Variants in GRIK2 observed in about 807,000 individuals in gnomAD.
GRIK2 encodes the protein glutamate receptor ionotropic, kainate 2.
Under a neutral mutation model 100.3 loss-of-function variants are expected in GRIK2, and 32 were observed. The observed-to-expected ratio is 0.32, with a 90% CI of 0.24 to 0.43. The LOEUF (loss-of-function observed/expected upper bound fraction) is 0.43. Ranked by LOEUF, GRIK2 falls within the 20% of genes least tolerant of loss-of-function variation. The probability of loss-of-function intolerance (pLI) is 1.00; values close to 1 mark genes in which losing one functional copy is unlikely to be tolerated. For synonymous variants in GRIK2, 417 were observed against 389.4 expected (o/e 1.07, Z -0.83); for missense variants, 843 against 1,114.9 (o/e 0.76, Z 3.47).
At chr6:101,935,309 TTTTA>T (rs1790546556) in intron 14 of GRIK2, among the ~76,000 whole-genome samples, 1 of 151,916 alleles carries the variant, frequency 6.6e-6, no homozygotes, top group Non-Finnish European at 1.5e-5. Context: ...CTCATGTCAT[TTTTA>T]TTTATTTTGA....
intron 2 of GRIK2, among the ~76,000 whole-genome samples, chr6:101,445,527 A>G (rs1235591871): frequency 1.3e-5 from 2 of 152,084 alleles, no homozygotes; most frequent in Non-Finnish European, 2.9e-5. Context: ...CTTGTACTCC[A>G]GGGACAGCCA....
At chr6:102,051,466 A>G (rs1441178352) in intron 15 of GRIK2, among the ~76,000 whole-genome samples, 1 of 152,176 alleles carries the variant, frequency 6.6e-6, no homozygotes, top group African/African-American at 2.4e-5. Flanking sequence ...GCGATATAGA[A>G]AGTACCAAAG....
At chr6:101,597,289 G>A (rs1778971090) in intron 2 of GRIK2, among the ~76,000 whole-genome samples, 1 of 151,630 alleles carries the variant, frequency 6.6e-6, no homozygotes, top group African/African-American at 2.4e-5. Flanking sequence ...TTACTACCTG[G>A]GTGACAGAAT....
At chr6:101,899,649 C>T (rs1787711629) in intron 12 of GRIK2, among the ~76,000 whole-genome samples, 1 of 151,990 alleles carries the variant, frequency 6.6e-6, no homozygotes, top group Admixed American at 6.6e-5. Context: ...TCTGACTACA[C>T]CTGAGATGAT....
At chr6:101,831,531 A>C (rs1782694528) in intron 10 of GRIK2, among the ~76,000 whole-genome samples, 1 of 152,192 alleles carries the variant, frequency 6.6e-6, no homozygotes, top group South Asian at 2.1e-4. Context: ...AATGACAAGA[A>C]GGTTCTTAGC....
intron 16 of GRIK2, among the ~76,000 whole-genome samples, chr6:102,060,438 T>C (rs560155627): frequency 1.3e-5 from 2 of 150,930 alleles, no homozygotes; most frequent in African/African-American, 4.8e-5. Flanking sequence ...AAAGGTCATT[T>C]ATAAGGAAAA....
At chr6:101,520,423 G>A (rs1439459128) in intron 2 of GRIK2, among the ~76,000 whole-genome samples, 3 of 150,900 alleles carry the variant, frequency 2.0e-5, no homozygotes, top group Non-Finnish European at 4.4e-5. Context: ...GAAATAATAT[G>A]TAATATATAA....
intron 2 of GRIK2, among the ~76,000 whole-genome samples, chr6:101,539,993 T>C: frequency 6.6e-6 from 1 of 151,908 alleles, no homozygotes; most frequent in Non-Finnish European, 1.5e-5. Flanking sequence ...CCATTGATAT[T>C]TGGCCTTTGA....
intron 7 of GRIK2, among the ~76,000 whole-genome samples, chr6:101,710,080 T>A (rs1322769168): frequency 6.6e-6 from 1 of 151,920 alleles, no homozygotes; most frequent in Non-Finnish European, 1.5e-5. Flanking sequence ...TCAATGCCAC[T>A]GTTAGAGATA....
At chr6:101,757,176 T>A (rs1396932041) in intron 7 of GRIK2, among the ~76,000 whole-genome samples, 1 of 152,122 alleles carries the variant, frequency 6.6e-6, no homozygotes, top group East Asian at 1.9e-4. Flanking sequence ...TTTGAACTGG[T>A]GAATATTAGA....
In GRIK2 at chr6:101,686,284, A is replaced by G; in HGVS notation, c.882A>G (p.Glu294=). The G allele has an allele frequency of 6.2e-7, 1 of 1,613,280 alleles. No individual in the cohort carries two copies. Among genetic ancestry groups the G allele is most frequent in the South Asian group, 1.1e-5 (1 of 91,066 alleles). Residue 294 remains glutamate, a synonymous_variant, in exon 7 of 17, where the codon GAA becomes GAG. Transcript: ENST00000369134. ...TENTQVSSII[E]KWSMERLQAP... Reference sequence around the variant, plus strand: ...ATACCCAAGTCTCCTCCATCATTGAAAAGTGGTCGATGGAACGATTGCAGG... The same window carrying G: ...ATACCCAAGTCTCCTCCATCATTGAGAAGTGGTCGATGGAACGATTGCAGG...
At chr6:101,581,191 CACAT>C (rs1057032907) in intron 2 of GRIK2, among the ~76,000 whole-genome samples, 3 of 150,538 alleles carry the variant, frequency 2.0e-5, no homozygotes, top group Non-Finnish European at 2.9e-5. Context: ...TACACACACA[CACAT>C]ATATATACGC....
chr6:101,964,126 TATATA>T (rs542547438), intron 14 of GRIK2, among the ~76,000 whole-genome samples: 2 of 148,952 alleles, frequency 1.3e-5, no homozygotes, highest in Admixed American at 6.7e-5. Flanking sequence ...TAAATGTAGA[TATATA>T]ATATATACAT....
intron 11 of GRIK2, among the ~76,000 whole-genome samples, chr6:101,864,957 AC>A (rs1341890602): frequency 1.3e-5 from 2 of 152,246 alleles, no homozygotes; most frequent in African/African-American, 2.4e-5. Context: ...AAACATCTTT[AC>A]AACTTCTTTG....
chr6:101,449,801 A>AT (rs1315867863), intron 2 of GRIK2, among the ~76,000 whole-genome samples: 2 of 151,718 alleles, frequency 1.3e-5, no homozygotes, highest in Non-Finnish European at 3.0e-5. Flanking sequence ...CTTTCCAGAT[A>AT]TTTCAGATGC....
chr6:101,775,068 C>G (rs983697181), intron 7 of GRIK2, among the ~76,000 whole-genome samples: 1 of 151,926 alleles, frequency 6.6e-6, no homozygotes, highest in Non-Finnish European at 1.5e-5. Flanking sequence ...TGGTATCCAA[C>G]AAGAGTTTTT....
At position 102,061,699 on chromosome 6, in the gene GRIK2, T is replaced by C. The variant is rs558863653; in HGVS notation, c.2562+6119T>C. 6.0e-5 allele frequency among the ~76,000 whole-genome samples: 9 copies of C among 150,644 alleles called. No homozygotes were observed. The South Asian group carries it at 1.4e-3, about 24-fold the overall frequency. ...ATAAATAAATAAATGAAACAATGAA[T>C]AAACAAGTTATGAATCCATAAAAAC... On this transcript the variant is annotated intron_variant, in intron 16 of 16. Transcript: ENST00000369134.
chr6:101,838,799 C>A (rs893697274), intron 10 of GRIK2, among the ~76,000 whole-genome samples: 1 of 151,686 alleles, frequency 6.6e-6, no homozygotes, highest in Non-Finnish European at 1.5e-5. Flanking sequence ...TTACAGCTGC[C>A]CACCACCACG....
chr6:101,858,793 A>T (rs1021587236), intron 10 of GRIK2, among the ~76,000 whole-genome samples: 20 of 152,026 alleles, frequency 1.3e-4, no homozygotes, highest in Non-Finnish European at 2.9e-4. Flanking sequence ...TATATATATA[A>T]AAAGTCCACA....
Sources: gnomAD v4.1 joint callset for allele counts (sites outside exome capture counted in the v4.1 genomes callset) on GRCh38, gnomAD v4.1.1 for gene constraint, MANE v1.5 for transcripts, NCBI Gene and HGNC (gene_info 2026-07-23, HGNC 2026-07-21) for gene names.